Variants in HIVEP1 observed in about 807,000 individuals in gnomAD.
The protein encoded by HIVEP1 is HIVEP zinc finger 1, also known as zinc finger protein 40.
A neutral mutation model predicts 180.0 loss-of-function variants in HIVEP1; 36 were observed. The ratio of observed to expected loss-of-function variants is 0.20; its 90% CI spans 0.15 to 0.26. HIVEP1 has a LOEUF of 0.26. Ranked by LOEUF, HIVEP1 falls within the 10% of genes least tolerant of loss-of-function variation. The pLI, the probability that HIVEP1 is intolerant of heterozygous loss-of-function variation, is 1.00. For synonymous variants in HIVEP1, 1,239 were observed against 1,239.0 expected, an observed-to-expected ratio of 1.00 and a Z score of 0.00; for missense variants, 3,143 against 3,268.7, an observed-to-expected ratio of 0.96 and a Z score of 0.94.
chr6:12,109,437 C>T (rs1351914114), intron 3 of HIVEP1, among the ~76,000 whole-genome samples: 2 of 152,258 alleles, frequency 1.3e-5, no homozygotes, highest in African/African-American at 2.4e-5. Flanking sequence ...AAGTCTGCCA[C>T]TGCTTTATCA....
At chr6:12,181,313 T>C in the HIVEP1 span, among the ~76,000 whole-genome samples, 1 of 151,842 alleles carries the variant, frequency 6.6e-6, no homozygotes, top group Non-Finnish European at 1.5e-5. Context: ...TGAGCTGAGA[T>C]TGCGCCACTG....
intron 2 of HIVEP1, among the ~76,000 whole-genome samples, chr6:12,074,288 C>G (rs1312722019): frequency 2.0e-5 from 3 of 152,064 alleles, no homozygotes; most frequent in Non-Finnish European, 4.4e-5. Context: ...CTCTTCCACT[C>G]TATGATAGTT....
At chr6:12,171,521 G>T in the HIVEP1 span, among the ~76,000 whole-genome samples, 1 of 152,186 alleles carries the variant, frequency 6.6e-6, no homozygotes, top group Non-Finnish European at 1.5e-5. Flanking sequence ...AGTGGCCCCT[G>T]TGAGAGGGGC....
intron 2 of HIVEP1, chr6:12,037,986 A>T (rs1385553795): frequency 5.2e-6 from 2 of 383,484 alleles, no homozygotes; most frequent in African/African-American, 4.1e-5. Context: ...AAGCACTGAG[A>T]TTACAGGCAT....
intron 7 of HIVEP1, among the ~76,000 whole-genome samples, chr6:12,154,392 A>G (rs1759894072): frequency 6.6e-6 from 1 of 152,212 alleles, no homozygotes; most frequent in African/African-American, 2.4e-5. Flanking sequence ...TGCCAAGGTT[A>G]TCTAGGACAG....
intron 3 of HIVEP1, among the ~76,000 whole-genome samples, chr6:12,108,580 T>C (rs1774636884): frequency 6.6e-6 from 1 of 152,206 alleles, no homozygotes; most frequent in Admixed American, 6.5e-5. Context: ...GCAGCGCTGG[T>C]GGGCTGGCAC....
At chr6:12,175,032 G>T in the HIVEP1 span, among the ~76,000 whole-genome samples, 1 of 152,148 alleles carries the variant, frequency 6.6e-6, no homozygotes. Context: ...AATGACCATA[G>T]ATTGTGTCTC....
At chr6:12,114,588 C>G (rs993738652) in intron 3 of HIVEP1, among the ~76,000 whole-genome samples, 2 of 152,092 alleles carry the variant, frequency 1.3e-5, no homozygotes, top group Non-Finnish European at 2.9e-5. Context: ...ATCTGTGCCT[C>G]TAGCCCAGAC....
chr6:12,011,858 G>A (rs1423832301), upstream of HIVEP1: 1 of 84,794 alleles, frequency 1.2e-5, no homozygotes, highest in Non-Finnish European at 2.4e-5. Flanking sequence ...CCCAGCCCCC[G>A]CGGGGACGCC....
chr6:12,039,043 T>C (rs1456801849), intron 2 of HIVEP1: 1 of 152,236 alleles, frequency 6.6e-6, no homozygotes, highest in East Asian at 1.9e-4. Flanking sequence ...TATCATGAAC[T>C]AGCTATGTCC....
At chr6:12,073,392 G>T (rs951842701) in intron 2 of HIVEP1, among the ~76,000 whole-genome samples, 1 of 152,124 alleles carries the variant, frequency 6.6e-6, no homozygotes, top group Non-Finnish European at 1.5e-5. Flanking sequence ...TTTGTTATTA[G>T]ATTCTAGACT....
chr6:12,102,771 T>A (rs1413162629), intron 3 of HIVEP1, among the ~76,000 whole-genome samples: 1 of 152,154 alleles, frequency 6.6e-6, no homozygotes, highest in Non-Finnish European at 1.5e-5. Context: ...AGAAATAACA[T>A]TTGATCTCAT....
the HIVEP1 span, among the ~76,000 whole-genome samples, chr6:12,173,038 A>G: frequency 6.6e-6 from 1 of 152,180 alleles, no homozygotes; most frequent in Non-Finnish European, 1.5e-5. Flanking sequence ...GTGAAGAAAC[A>G]TTTAACTTAA....
At chr6:12,019,344 G>A (rs972031597) in intron 2 of HIVEP1, among the ~76,000 whole-genome samples, 1 of 152,178 alleles carries the variant, frequency 6.6e-6, no homozygotes, top group Non-Finnish European at 1.5e-5. Flanking sequence ...GGAAGGATGT[G>A]GGGGTTAGAG....
At chr6:12,047,690 T>C (rs1285062186) in intron 2 of HIVEP1, among the ~76,000 whole-genome samples, 1 of 152,222 alleles carries the variant, frequency 6.6e-6, no homozygotes, top group Non-Finnish European at 1.5e-5. Flanking sequence ...TGGAGTGGGA[T>C]TGGCTGAGGG....
chr6:12,123,007 C>T lies in HIVEP1; in HGVS notation c.3212C>T (p.Pro1071Leu). Residue 1071 changes from proline (P) to leucine (L), a missense_variant, in exon 4 of 9, where the codon CCT becomes CTT. Physicochemically the swap from Pro to Leu is moderately conservative, Grantham distance 98. This residue lies in a region of HIVEP1 where 1,357 missense variants were observed against 1,260.5 expected (regional missense o/e 1.08). Transcript: ENST00000379388. ...GCTCTGGGCTGTAATCCCAGTTTGC[C>T]TAAACATAATGTTACCATAAGAAGT... ...QNALGCNPSLPKHNVTIRSDQ... is the reference protein window; with the variant it reads ...QNALGCNPSLLKHNVTIRSDQ... 6.2e-7 allele frequency: 1 copy of T among 1,614,092 alleles called. No individual in the cohort carries two copies. Among genetic ancestry groups the T allele is most frequent in the South Asian group, 1.1e-5 (1 of 91,084 alleles).
At chr6:12,185,333 T>C in the HIVEP1 span, among the ~76,000 whole-genome samples, 1 of 152,176 alleles carries the variant, frequency 6.6e-6, no homozygotes, top group African/African-American at 2.4e-5. Flanking sequence ...AAGAGGCATA[T>C]CCAGAGAGGA....
At chr6:12,155,156 A>C (rs1759955549) in intron 7 of HIVEP1, among the ~76,000 whole-genome samples, 1 of 152,168 alleles carries the variant, frequency 6.6e-6, no homozygotes, top group African/African-American at 2.4e-5. Flanking sequence ...CATCCCACAA[A>C]ATTCGAATGT....
chr6:12,144,783 C>G (rs532686740), intron 7 of HIVEP1, among the ~76,000 whole-genome samples: 1 of 152,206 alleles, frequency 6.6e-6, no homozygotes, highest in African/African-American at 2.4e-5. Flanking sequence ...CTCATCATCA[C>G]TGGTCATCAG....
Sources: allele counts gnomAD v4.1 joint callset (sites outside exome capture counted in the v4.1 genomes callset), GRCh38; gene constraint gnomAD v4.1.1; regional missense constraint gnomAD v4.1.1; transcripts MANE v1.5; gene names NCBI Gene and HGNC (gene_info 2026-07-23, HGNC 2026-07-21).